STN1: variants seen among roughly 807,000 people sequenced by gnomAD.
STN1 encodes the protein CST complex subunit STN1.
Under a neutral mutation model 45.5 loss-of-function variants are expected in STN1, and 29 were observed. That is an observed-to-expected ratio of 0.64 (90% CI 0.47 to 0.87). The LOEUF (loss-of-function observed/expected upper bound fraction) is 0.87. Among genes scored for constraint, STN1 ranks in the 40% least tolerant of loss-of-function variants. The pLI, the probability that STN1 is intolerant of heterozygous loss-of-function variation, is 0.00. For synonymous variants in STN1, 148 were observed against 159.0 expected (o/e 0.93, Z 0.52); for missense variants, 376 against 441.4 (o/e 0.85, Z 1.33).
rs529129208 is a variant in STN1 at position 103,914,193 on chromosome 10, C to T, written c.133+3269G>A. ...TATTATTTCCACTTCATTGTACCCA[C>T]TAGAATAATAGGATAAGTATTATAT... On this transcript the variant is annotated intron_variant, in intron 2 of 9. Transcript: ENST00000224950. 6.6e-5 allele frequency among the ~76,000 whole-genome samples: 10 copies of T among 151,436 alleles called. No homozygotes were observed. The South Asian group carries it at 2.1e-3, about 31-fold the overall frequency.
intron 9 of STN1, among the ~76,000 whole-genome samples, chr10:103,886,899 C>T (rs1843106972): frequency 6.6e-6 from 1 of 152,218 alleles, no homozygotes; most frequent in Non-Finnish European, 1.5e-5. Flanking sequence ...AAGGTGGCTC[C>T]AGAGCACAGC....
In STN1 at chr10:103,914,361, TATATATA is replaced by T. The variant is rs1380070834; in HGVS notation, c.133+3094_133+3100del. On this transcript the variant is annotated intron_variant, in intron 2 of 9. Coordinates refer to ENST00000224950, the MANE Select transcript of STN1 (RefSeq NM_024928.5). ...ATATATATATATATATATATATATA[TATATATA>T]TATATATTTTTTTTTTTTTTTTTTG... is the stretch of plus-strand genomic sequence containing the variant. Among the ~76,000 whole-genome samples the T allele has an allele frequency of 9.1e-3, 318 of 34,774 alleles. 17 individuals carry two copies. The highest frequency in any genetic ancestry group is 0.023 in the African/African-American group (270 of 11,920). 22.8% of individuals were successfully genotyped at this position (34,774 alleles called of 152,430 possible).
chr10:103,883,904 A>G (rs1389065160), intron 9 of STN1, among the ~76,000 whole-genome samples: 1 of 151,976 alleles, frequency 6.6e-6, no homozygotes, highest in Non-Finnish European at 1.5e-5. Context: ...AGCCTGGCCA[A>G]CATGGTGAAA....
intron 9 of STN1, among the ~76,000 whole-genome samples, chr10:103,886,363 G>A (rs1843103078): frequency 6.6e-6 from 1 of 151,852 alleles, no homozygotes; most frequent in South Asian, 2.1e-4. Context: ...CAATCTAGGT[G>A]AAGGGTATAT....
chr10:103,900,244 A>G (rs1427748733), intron 4 of STN1, 21 bp from the exon 5 acceptor site: 4 of 1,611,162 alleles, frequency 2.5e-6, no homozygotes, highest in Non-Finnish European at 3.4e-6. Flanking sequence ...TTAGAGCCAG[A>G]GGGAAAGAGA....
rs1843075310 is a variant in STN1 at position 103,882,454 on chromosome 10, CTTG to C, written c.*227_*229del. 2.1e-6 allele frequency: 1 copy of C among 469,614 alleles called. No homozygotes were observed. Among genetic ancestry groups the C allele is most frequent in the African/African-American group, 1.9e-5 (1 of 51,282 alleles). The allele number at this position is 469,614 out of a possible 1,614,324, so 29.1% of individuals were successfully genotyped here. On this transcript the variant is annotated 3_prime_UTR_variant, in exon 10 of 10. Coordinates refer to ENST00000224950, the MANE Select transcript of STN1 (RefSeq NM_024928.5). ...CCAGGAGCTCAACAGGGAGGGTTTT[CTTG>C]TTGTGTCATGGCTGAGATCAAAGTC...
rs1843079246 is a variant in STN1, at chr10:103,882,815, G to A, written c.976C>T (p.His326Tyr). The change falls in exon 10 of 10, where the codon CAC becomes TAC. Residue 326 changes from histidine to tyrosine, a missense_variant. His to Tyr is a moderately conservative substitution (Grantham distance 83). Coordinates refer to ENST00000224950, the MANE Select transcript of STN1 (RefSeq NM_024928.5). ...NHMEKGCHFL[H>Y]ILACARLSIR... is the part of the protein sequence containing the mutation. ...CTCAGGCGAGCACAGGCCAAGATGTGCAGGAAGTGACAGCCCTTCTCCATG... is the reference window on the plus strand; with the variant it reads ...CTCAGGCGAGCACAGGCCAAGATGTACAGGAAGTGACAGCCCTTCTCCATG... 1 of 1,613,416 alleles carries A rather than the reference G, an allele frequency of 6.2e-7. No individual in the cohort carries two copies. The highest frequency in any genetic ancestry group is 1.3e-5 in the African/African-American group (1 of 75,032).
In STN1 at chr10:103,910,481, G is replaced by A. The variant is rs1293616476; in HGVS notation, c.229+46C>T. 3.8e-6 allele frequency: 5 copies of A among 1,310,958 alleles called. No individual in the cohort carries two copies. The African/African-American group carries it at 4.4e-5, about 11-fold the overall frequency. 81.2% of individuals were successfully genotyped at this position (1,310,958 alleles called of 1,614,324 possible). ...TGAAATCCAACTTTCAGCCCAGAAG[G>A]GTCAGCCTTCTACATCAACTTCATT... On this transcript the variant is annotated intron_variant, in intron 3 of 9. Coordinates refer to ENST00000224950, the MANE Select transcript of STN1 (RefSeq NM_024928.5).
At chr10:103,890,969 G>T (rs1054599020) in intron 8 of STN1, among the ~76,000 whole-genome samples, 4 of 152,126 alleles carry the variant, frequency 2.6e-5, no homozygotes, top group Admixed American at 2.6e-4. Flanking sequence ...AATATTAAAG[G>T]TATGCAGCAA....
chr10:103,917,462 C>G lies in STN1; in HGVS notation c.133G>C (p.Gly45Arg). Residue 45 changes from glycine (G) to arginine (R), a missense_variant and splice_region_variant, in exon 2 of 10, where the codon GGT becomes CGT. Transcript: ENST00000224950. Reference protein sequence around the residue: ...LDMKESRQVPGVFLYNGHPIK... With the variant: ...LDMKESRQVPRVFLYNGHPIK... ...CATCCCAGGGTGGCTAGCCACATAC[C>G]TGGCACCTGGCGGGACTCCTTCATG... The G allele has an allele frequency of 1.2e-6, 2 of 1,613,070 alleles. No individual in the cohort carries two copies. Among genetic ancestry groups the G allele is most frequent in the Non-Finnish European group, 1.7e-6 (2 of 1,179,478 alleles).
intron 7 of STN1, among the ~76,000 whole-genome samples, chr10:103,894,436 G>A (rs1373554116): frequency 6.6e-6 from 1 of 152,202 alleles, no homozygotes; most frequent in Non-Finnish European, 1.5e-5. Context: ...TCAGCTGTGA[G>A]CAAGGACTCA....
intron 7 of STN1, among the ~76,000 whole-genome samples, chr10:103,896,022 T>C (rs1390787013): frequency 1.3e-5 from 2 of 152,094 alleles, no homozygotes; most frequent in East Asian, 1.9e-4. Flanking sequence ...TGACTTAGAG[T>C]ACACACAAGC....
rs1280975098 is a variant in STN1, at chr10:103,909,563, AAGC to A, written c.229+961_229+963del. On this transcript the variant is annotated intron_variant, in intron 3 of 9. Coordinates refer to ENST00000224950, the MANE Select transcript of STN1 (RefSeq NM_024928.5). Reference sequence around the variant, plus strand: ...ATGTACATATATATATGCTGAGAAAAAGCAGAAAAAATAAGCTTTTATTTTTCA... The same window carrying A: ...ATGTACATATATATATGCTGAGAAAAAGAAAAAATAAGCTTTTATTTTTCA... 4.8e-5 allele frequency among the ~76,000 whole-genome samples: 7 copies of A among 146,076 alleles called. No homozygotes were observed. In the East Asian group the frequency reaches 1.2e-3, roughly 25 times the overall value.
intron 8 of STN1, among the ~76,000 whole-genome samples, chr10:103,889,363 A>G (rs75852900): frequency 5.6e-4 from 85 of 152,266 alleles, no homozygotes; most frequent in African/African-American, 1.7e-3. Context: ...CAATGAGGTT[A>G]AAACAAAAAA....
intron 2 of STN1, among the ~76,000 whole-genome samples, chr10:103,916,179 A>G (rs1405627899): frequency 4.6e-5 from 7 of 152,230 alleles, no homozygotes; most frequent in Admixed American, 4.6e-4. Context: ...GTGATAAATC[A>G]AAGATCACTG....
intron 8 of STN1, among the ~76,000 whole-genome samples, chr10:103,890,414 G>A (rs540830253): frequency 7.2e-5 from 11 of 152,356 alleles, no homozygotes; most frequent in African/African-American, 2.6e-4. Context: ...ACAAAGCAGT[G>A]GAGAGATGAA....
chr10:103,890,013 C>A (rs1249458102), intron 8 of STN1, among the ~76,000 whole-genome samples: 2 of 152,008 alleles, frequency 1.3e-5, no homozygotes, highest in African/African-American at 2.4e-5. Context: ...CCAACTTAGT[C>A]TTTTTTAACC....
At chr10:103,909,496 G>A (rs7068235) in intron 3 of STN1, among the ~76,000 whole-genome samples, 58,330 of 76,392 alleles carry the variant, frequency 0.76, 22,422 homozygotes, top group East Asian at 0.96. Context: ...ATGTGTGTGT[G>A]TATATGTATA....
chr10:103,892,536 ACTGTTGGACAATCT>A (rs1843146663), intron 7 of STN1, among the ~76,000 whole-genome samples: 4 of 151,660 alleles, frequency 2.6e-5, no homozygotes, highest in Middle Eastern at 3.4e-3. Flanking sequence ...AGCTACCCTC[ACTGTTGGACAATCT>A]TTGACTTATT....
Sources: gnomAD v4.1 joint callset for allele counts (sites outside exome capture counted in the v4.1 genomes callset) on GRCh38, gnomAD v4.1.1 for gene constraint, MANE v1.5 for transcripts, NCBI Gene and HGNC (gene_info 2026-07-23, HGNC 2026-07-21) for gene names.